Variants in VPS8 observed in about 807,000 individuals in gnomAD.
VPS8 encodes VPS8 subunit of CORVET complex.
VPS8 carries 129 observed loss-of-function variants against 216.4 expected under a neutral mutation model. The ratio of observed to expected loss-of-function variants is 0.60; its 90% confidence interval spans 0.52 to 0.69. VPS8 has a LOEUF of 0.69. Ranked by LOEUF, VPS8 falls within the 30% of genes least tolerant of loss-of-function variation. VPS8 has a pLI of 0.00. For synonymous variants in VPS8, 571 were observed against 565.4 expected, an observed-to-expected ratio of 1.01 and a Z score of -0.14; for missense variants, 1,531 against 1,683.5, an observed-to-expected ratio of 0.91 and a Z score of 1.59.
At chr3:184,914,858 T>C (rs951829084) in intron 26 of VPS8, 123 bp from the exon 27 acceptor site, 75 of 962,010 alleles carry the variant, frequency 7.8e-5, no homozygotes, top group Middle Eastern at 4.3e-4. Context: ...TTGACCTAAC[T>C]GACAAAAGCT....
intron 16 of VPS8, among the ~76,000 whole-genome samples, chr3:184,863,490 A>G (rs1386630748): frequency 1.8e-4 from 28 of 152,174 alleles, no homozygotes; most frequent in Admixed American, 1.8e-3. Flanking sequence ...GATAATGGTA[A>G]AGGCTTGAAC....
At chr3:184,948,764 C>T (rs1361883199) in intron 36 of VPS8, among the ~76,000 whole-genome samples, 1 of 152,114 alleles carries the variant, frequency 6.6e-6, no homozygotes, top group Admixed American at 6.5e-5. Flanking sequence ...GCTTCAATGG[C>T]CCCTTAAAGT....
intron 38 of VPS8, among the ~76,000 whole-genome samples, chr3:184,964,980 A>G (rs1455450222): frequency 6.6e-6 from 1 of 152,152 alleles, no homozygotes; most frequent in Non-Finnish European, 1.5e-5. Flanking sequence ...TCAAATAGCA[A>G]TTCTATTTTT....
intron 45 of VPS8, among the ~76,000 whole-genome samples, chr3:185,009,672 C>T (rs183868153): frequency 6.2e-4 from 94 of 152,150 alleles, no homozygotes; most frequent in Admixed American, 1.1e-3. Flanking sequence ...GGACACCAGG[C>T]AGTGAAAGAT....
chr3:184,859,230 T>C (rs1257132572), intron 14 of VPS8, among the ~76,000 whole-genome samples: 1 of 152,194 alleles, frequency 6.6e-6, no homozygotes, highest in Non-Finnish European at 1.5e-5. Context: ...CATCATCTCC[T>C]TCCTTCTTAA....
chr3:184,993,300 C>G (rs1752157072), intron 42 of VPS8, among the ~76,000 whole-genome samples: 1 of 151,944 alleles, frequency 6.6e-6, no homozygotes, highest in Non-Finnish European at 1.5e-5. Context: ...CAGTGTTTAC[C>G]TCTAGTTGGA....
At chr3:184,988,220 T>C (rs1031893070) in intron 42 of VPS8, among the ~76,000 whole-genome samples, 27 of 152,258 alleles carry the variant, frequency 1.8e-4, no homozygotes, top group African/African-American at 6.3e-4. Flanking sequence ...TTTGATGTTG[T>C]ATGTAAAAAC....
chr3:184,965,926 T>C (rs1173528928), intron 38 of VPS8, among the ~76,000 whole-genome samples: 1 of 152,202 alleles, frequency 6.6e-6, no homozygotes, highest in Non-Finnish European at 1.5e-5. Context: ...AGTTGATGAT[T>C]TTAGCTTATA....
chr3:184,923,036 A>G lies in VPS8; in HGVS notation c.2455-1826A>G, dbSNP rs139226894. 2.0e-3 allele frequency among the ~76,000 whole-genome samples: 308 copies of G among 152,270 alleles called. 2 individuals carry two copies. The highest frequency in any genetic ancestry group is 6.5e-3 in the African/African-American group (271 of 41,542). On this transcript the variant is annotated intron_variant, in intron 29 of 47. Transcript: ENST00000625842. ...TCTAATAATAAGTTTGCACTTGACA[A>G]TTGATGATTACTGGACTAAAAGCAG...
chr3:184,922,273 G>A (rs932190982), intron 29 of VPS8, among the ~76,000 whole-genome samples: 2 of 152,160 alleles, frequency 1.3e-5, no homozygotes, highest in African/African-American at 4.8e-5. Context: ...CTCCTTGTCT[G>A]TGCTCAGGCA....
At chr3:185,018,817 C>T (rs1350911248) in intron 45 of VPS8, among the ~76,000 whole-genome samples, 3 of 152,334 alleles carry the variant, frequency 2.0e-5, no homozygotes, top group Middle Eastern at 3.4e-3. Context: ...ACCTTCTCTT[C>T]TAGCTTGCTG....
chr3:185,048,333 G>A (rs1273458822), intron 46 of VPS8, 146 bp from the exon 47 acceptor site: 3 of 761,846 alleles, frequency 3.9e-6, no homozygotes, highest in Non-Finnish European at 6.5e-6. Flanking sequence ...CTCATGTTCA[G>A]TATATATCTC....
intron 46 of VPS8, among the ~76,000 whole-genome samples, chr3:185,027,344 G>A (rs1413504260): frequency 3.5e-5 from 5 of 144,516 alleles, no homozygotes; most frequent in African/African-American, 5.1e-5. Flanking sequence ...CCGGGTTCAC[G>A]CCATTCTCCT....
intron 1 of VPS8, among the ~76,000 whole-genome samples, chr3:184,821,672 G>C (rs1004294703): frequency 2.6e-5 from 4 of 151,966 alleles, no homozygotes; most frequent in East Asian, 1.9e-4. Context: ...TTTTTAGATA[G>C]GTTTCATGCT....
chr3:184,909,363 T>G (rs1736071669), intron 25 of VPS8, among the ~76,000 whole-genome samples: 1 of 152,232 alleles, frequency 6.6e-6, no homozygotes, highest in Non-Finnish European at 1.5e-5. Flanking sequence ...AGTGTTTGTA[T>G]TGCTTTTATG....
At chr3:184,902,340 G>A (rs562581227) in intron 25 of VPS8, among the ~76,000 whole-genome samples, 2 of 151,602 alleles carry the variant, frequency 1.3e-5, no homozygotes, top group East Asian at 2.0e-4. Flanking sequence ...GCCGGGTGTG[G>A]TGGTGGGTGC....
At chr3:185,050,346 G>C (rs1165073502) in intron 47 of VPS8, among the ~76,000 whole-genome samples, 1 of 152,136 alleles carries the variant, frequency 6.6e-6, no homozygotes, top group Non-Finnish European at 1.5e-5. Context: ...GAGTTACTGA[G>C]TTGTGAATGA....
Position 184,928,455 on chromosome 3 carries a change from T to C in VPS8, c.2636T>C (p.Leu879Pro). 6.5e-7 allele frequency: 1 copy of C among 1,531,212 alleles called. No homozygotes were observed. Among genetic ancestry groups the C allele is most frequent in the Non-Finnish European group, 8.7e-7 (1 of 1,151,450 alleles). The allele number at this position is 1,531,212 out of a possible 1,614,324, so 94.9% of individuals were successfully genotyped here. A position where few individuals can be genotyped will look rare whatever the true frequency, so the allele number is the denominator to read the frequency against. ...DSRHSERQQV[L>P]LELLQAGGIV... ...TCATTTATTGTAAATACTCAGGTCC[T>C]TTTAGAATTGCTGCAGGCTGGAGGC... Residue 879 changes from leucine (L) to proline (P), a missense_variant, in exon 32 of 48, where the codon CTT becomes CCT. By Grantham distance (98) the Leu-to-Pro change is moderately conservative (BLOSUM62 -3). Around this residue, in one of 3 missense-constraint regions of VPS8, gnomAD observed 1,318 missense variants for 1,468.4 expected, o/e 0.90. Coordinates refer to ENST00000625842, the MANE Select transcript of VPS8 (RefSeq NM_001009921.3).
chr3:184,911,031 GA>G (rs1430705407), intron 25 of VPS8, among the ~76,000 whole-genome samples: 1 of 152,194 alleles, frequency 6.6e-6, no homozygotes, highest in African/African-American at 2.4e-5. Context: ...AGGCAAAGTT[GA>G]AAATTGCCTT....
Sources: gnomAD v4.1 joint callset for allele counts (sites outside exome capture counted in the v4.1 genomes callset) on GRCh38, gnomAD v4.1.1 for gene constraint, gnomAD v4.1.1 regional missense constraint, MANE v1.5 for transcripts, NCBI Gene and HGNC (gene_info 2026-07-23, HGNC 2026-07-21) for gene names.